LIPA: variants seen among roughly 807,000 people sequenced by gnomAD.
LIPA encodes lipase A, lysosomal acid type.
LIPA carries 26 observed loss-of-function variants against 40.6 expected under a neutral mutation model. The observed-to-expected ratio is 0.64, with a 90% CI of 0.47 to 0.89. The LOEUF (loss-of-function observed/expected upper bound fraction) is 0.89. LIPA is among the 40% of genes least tolerant of loss of function. LIPA has a pLI of 0.00. For missense variants in LIPA, 455 were observed against 479.6 expected (o/e 0.95, Z 0.48); for synonymous variants, 188 against 168.4 (o/e 1.12, Z -0.90).
intron 1 of LIPA, among the ~76,000 whole-genome samples, chr10:89,269,356 T>A (rs1843253827): frequency 6.6e-6 from 1 of 152,188 alleles, no homozygotes; most frequent in Non-Finnish European, 1.5e-5. Flanking sequence ...TTAGTTTATT[T>A]CTATTTTTTA....
intron 3 of LIPA, among the ~76,000 whole-genome samples, chr10:89,230,074 GAC>G (rs2133439689): frequency 6.6e-6 from 1 of 152,232 alleles, no homozygotes; most frequent in Non-Finnish European, 1.5e-5. Flanking sequence ...CTGTACCCGA[GAC>G]AGTGATATAG....
intron 1 of LIPA, among the ~76,000 whole-genome samples, chr10:89,290,465 A>C (rs1462877219): frequency 6.6e-6 from 1 of 152,094 alleles, no homozygotes; most frequent in Non-Finnish European, 1.5e-5. Flanking sequence ...ATACTATTTT[A>C]TGCTATTTTT....
intron 1 of LIPA, among the ~76,000 whole-genome samples, chr10:89,279,861 G>A (rs1287311876): frequency 6.6e-6 from 1 of 152,132 alleles, no homozygotes; most frequent in African/African-American, 2.4e-5. Context: ...GACATGGTGT[G>A]AAGCATCTGG....
chr10:89,216,457 T>G (rs1372154470), intron 8 of LIPA, among the ~76,000 whole-genome samples: 1 of 150,878 alleles, frequency 6.6e-6, no homozygotes, highest in Non-Finnish European at 1.5e-5. Context: ...TGGATATATA[T>G]AGATAAAATA....
At chr10:89,397,596 A>G (rs1418745727) in intron 2 of LIPA, among the ~76,000 whole-genome samples, 2 of 152,170 alleles carry the variant, frequency 1.3e-5, no homozygotes, top group African/African-American at 4.8e-5. Flanking sequence ...GACTGATCTT[A>G]AACTTCTGGC....
intron 1 of LIPA, among the ~76,000 whole-genome samples, chr10:89,318,302 G>A (rs771535753): frequency 1.2e-4 from 18 of 152,092 alleles, no homozygotes; most frequent in Admixed American, 3.9e-4. Context: ...AACCATCAGT[G>A]TGCTGTATTC....
At chr10:89,342,306 T>C (rs1470414127) in intron 1 of LIPA, among the ~76,000 whole-genome samples, 2 of 152,202 alleles carry the variant, frequency 1.3e-5, no homozygotes, top group African/African-American at 4.8e-5. Context: ...AGACTTCCAC[T>C]CTTAACTCTT....
chr10:89,251,597 C>T (rs535823798), intron 1 of LIPA, 140 bp downstream of exon 1: 1 of 152,474 alleles, frequency 6.6e-6, no homozygotes, highest in East Asian at 1.9e-4. Flanking sequence ...CCGCAGGCAC[C>T]CCAGGCAAGA....
chr10:89,278,324 A>T (rs1843298959), intron 1 of LIPA: 1 of 152,212 alleles, frequency 6.6e-6, no homozygotes, highest in Non-Finnish European at 1.5e-5. Flanking sequence ...AATAGCTGGG[A>T]GTTGAGTCAC....
chr10:89,257,640 A>G (rs2133484734), intron 1 of LIPA, among the ~76,000 whole-genome samples: 1 of 152,350 alleles, frequency 6.6e-6, no homozygotes, highest in Admixed American at 6.5e-5. Context: ...AATGCCTCAG[A>G]TAATTGCCTG....
chr10:89,344,373 C>A (rs1843898290), upstream of LIPA, among the ~76,000 whole-genome samples: 2 of 152,140 alleles, frequency 1.3e-5, no homozygotes. Flanking sequence ...AGATGGAAGA[C>A]AAAGTCTGGG....
At chr10:89,378,232 C>A in intron 2 of LIPA, 2 of 1,276,732 alleles carry the variant, frequency 1.6e-6, no homozygotes, top group African/African-American at 1.5e-5. Flanking sequence ...CAGGCCTTCT[C>A]CTAAGGGAGC....
intron 2 of LIPA, chr10:89,392,471 A>AC (rs11296868): frequency 0.067 from 8,701 of 130,722 alleles, 336 homozygotes; most frequent in African/African-American, 0.15. Flanking sequence ...TTCATTCCCC[A>AC]CCCCCCCCCG....
At chr10:89,349,115 C>T (rs971054965) in intron 2 of LIPA, among the ~76,000 whole-genome samples, 1 of 152,118 alleles carries the variant, frequency 6.6e-6, no homozygotes, top group Non-Finnish European at 1.5e-5. Context: ...TAAAGATAGA[C>T]CCTCCAAAAG....
chr10:89,365,891 T>C (rs2133594693), intron 2 of LIPA, among the ~76,000 whole-genome samples: 1 of 152,342 alleles, frequency 6.6e-6, no homozygotes, highest in Admixed American at 6.5e-5. Flanking sequence ...GCATGAAGCC[T>C]CCAGCTTTGT....
At chr10:89,288,882 G>A (rs993509135) in intron 1 of LIPA, among the ~76,000 whole-genome samples, 17 of 152,138 alleles carry the variant, frequency 1.1e-4, no homozygotes, top group African/African-American at 3.9e-4. Context: ...TGTTACATGG[G>A]CAAAAAGAGG....
At chr10:89,413,257 T>C (rs187291450) in intron 1 of LIPA, among the ~76,000 whole-genome samples, 21 of 152,344 alleles carry the variant, frequency 1.4e-4, no homozygotes, top group African/African-American at 4.6e-4. Flanking sequence ...TTATCAGTTT[T>C]TAAATTTATA....
chr10:89,410,964 A>C (rs1841465324), intron 2 of LIPA, among the ~76,000 whole-genome samples: 1 of 152,238 alleles, frequency 6.6e-6, no homozygotes. Flanking sequence ...AGTCAAAGAG[A>C]GAGATAGAAG....
At chr10:89,374,374 T>C (rs1281917666) in intron 2 of LIPA, among the ~76,000 whole-genome samples, 1 of 152,096 alleles carries the variant, frequency 6.6e-6, no homozygotes, top group Non-Finnish European at 1.5e-5. Context: ...CACAATGTGT[T>C]GGCTGTTTCC....
Sources: allele counts gnomAD v4.1 joint callset (sites outside exome capture counted in the v4.1 genomes callset), GRCh38; gene constraint gnomAD v4.1.1; transcripts MANE v1.5; gene names NCBI Gene and HGNC (gene_info 2026-07-23, HGNC 2026-07-21).